Variants in TMCO5A observed in about 807,000 individuals in gnomAD.
TMCO5A encodes transmembrane and coiled-coil domains 5A.
In TMCO5A, 34 loss-of-function variants were observed where a neutral mutation model predicts 42.3. The ratio of observed to expected loss-of-function variants is 0.80; its 90% CI spans 0.61 to 1.07. TMCO5A has a LOEUF of 1.07. Ranked by LOEUF, TMCO5A falls within the 50% of genes least tolerant of loss-of-function variation. The probability of loss-of-function intolerance (pLI) is 0.00; values close to 1 mark genes in which losing one functional copy is unlikely to be tolerated. For missense variants in TMCO5A, 357 were observed against 327.9 expected (o/e 1.09, Z -0.69); for synonymous variants, 131 against 115.6 (o/e 1.13, Z -0.86).
At chr15:37,999,733 T>C in the TMCO5A span, among the ~76,000 whole-genome samples, 2 of 152,216 alleles carry the variant, frequency 1.3e-5, no homozygotes, top group African/African-American at 4.8e-5. Flanking sequence ...GTTTTTTTCA[T>C]AAAGGGATGT....
chr15:37,973,002 C>A, the TMCO5A span, among the ~76,000 whole-genome samples: 6 of 152,168 alleles, frequency 3.9e-5, no homozygotes, highest in African/African-American at 1.4e-4. Context: ...CAGGGCTAAC[C>A]AGTTATTCCA....
the TMCO5A span, among the ~76,000 whole-genome samples, chr15:37,990,529 G>A: frequency 6.6e-6 from 1 of 151,970 alleles, no homozygotes; most frequent in Non-Finnish European, 1.5e-5. Flanking sequence ...CTCGATGACA[G>A]CATATAGTTG....
rs776357103 is a variant in TMCO5A at position 37,943,343 on chromosome 15, C to T, written c.572C>T (p.Ser191Leu). The change falls in exon 10 of 12, where the codon TCA (serine) becomes TTA (leucine). Residue 191 changes from serine to leucine, a missense_variant and splice_region_variant. Coordinates refer to ENST00000319669, the MANE Select transcript of TMCO5A (RefSeq NM_152453.4). ...LEALFLEREV[S>L]KLVSMNPVEK... ...TGTCCTGGCTGTTATCTTCATAGATCAAAACTCGTGAGCATGAACCCTGTG... is the reference window on the plus strand; with the variant it reads ...TGTCCTGGCTGTTATCTTCATAGATTAAAACTCGTGAGCATGAACCCTGTG... 1.2e-6 allele frequency: 2 copies of T among 1,612,138 alleles called. No homozygotes were observed. Among genetic ancestry groups the T allele is most frequent in the Admixed American group, 3.3e-5 (2 of 59,800 alleles).
downstream of TMCO5A, among the ~76,000 whole-genome samples, chr15:37,968,870 C>T (rs780772114): frequency 3.3e-5 from 5 of 152,168 alleles, no homozygotes; most frequent in Non-Finnish European, 7.4e-5. Context: ...CGTGAGCCAC[C>T]GCACCCGGCC....
the TMCO5A span, among the ~76,000 whole-genome samples, chr15:37,973,584 T>C: frequency 6.6e-6 from 1 of 152,176 alleles, no homozygotes; most frequent in Non-Finnish European, 1.5e-5. Flanking sequence ...TTGGCTATTG[T>C]GCATTGCCCA....
At chr15:38,030,137 C>G in the TMCO5A span, among the ~76,000 whole-genome samples, 2 of 152,154 alleles carry the variant, frequency 1.3e-5, no homozygotes, top group Non-Finnish European at 2.9e-5. Flanking sequence ...TGTGACATAA[C>G]TTTCAGGAGA....
At chr15:38,000,758 A>G in the TMCO5A span, among the ~76,000 whole-genome samples, 1 of 152,006 alleles carries the variant, frequency 6.6e-6, no homozygotes, top group African/African-American at 2.4e-5. Flanking sequence ...TAATTTCTTC[A>G]TTGACTTGCT....
chr15:38,014,143 A>G, the TMCO5A span, among the ~76,000 whole-genome samples: 1 of 152,168 alleles, frequency 6.6e-6, no homozygotes, highest in African/African-American at 2.4e-5. Context: ...ATTTAATCAT[A>G]CCTGCAAAAT....
At chr15:37,980,745 C>T in the TMCO5A span, among the ~76,000 whole-genome samples, 1 of 151,764 alleles carries the variant, frequency 6.6e-6, no homozygotes. Context: ...CACTGGGTGG[C>T]CAATGCTACA....
At chr15:38,017,272 AAAG>A in the TMCO5A span, among the ~76,000 whole-genome samples, 1 of 152,174 alleles carries the variant, frequency 6.6e-6, no homozygotes, top group African/African-American at 2.4e-5. Flanking sequence ...TAATACTAGT[AAAG>A]AAGGAGGGGT....
the TMCO5A span, among the ~76,000 whole-genome samples, chr15:38,010,998 C>T: frequency 4.6e-5 from 7 of 152,298 alleles, no homozygotes; most frequent in Middle Eastern, 6.8e-3. Context: ...CTGCCCACCT[C>T]GTCCTCCCAA....
chr15:37,955,422 T>A (rs1890262785), downstream of TMCO5A, among the ~76,000 whole-genome samples: 1 of 151,612 alleles, frequency 6.6e-6, no homozygotes, highest in Admixed American at 6.6e-5. Flanking sequence ...CATTTAAAGA[T>A]GAACCACAGG....
At chr15:37,968,358 C>T (rs1435269660), downstream of TMCO5A, among the ~76,000 whole-genome samples, 1 of 152,100 alleles carries the variant, frequency 6.6e-6, no homozygotes, top group Non-Finnish European at 1.5e-5. Context: ...GACTCACCAC[C>T]CAAACGCAAA....
At chr15:38,038,714 T>C in the TMCO5A span, among the ~76,000 whole-genome samples, 18 of 152,184 alleles carry the variant, frequency 1.2e-4, no homozygotes, top group Admixed American at 1.2e-3. Flanking sequence ...CCTCGGAAGA[T>C]GAAAATTTCA....
chr15:38,005,150 C>G, the TMCO5A span, among the ~76,000 whole-genome samples: 1 of 150,944 alleles, frequency 6.6e-6, no homozygotes, highest in African/African-American at 2.4e-5. Context: ...AGGTCTTAAT[C>G]AACCTTTATT....
At position 37,966,219 on chromosome 15, in the gene TMCO5A, T is replaced by C. The variant is rs976481912; in HGVS notation, c.669-406T>C. Among the ~76,000 whole-genome samples, 43 of 151,362 alleles carry C rather than the reference T, an allele frequency of 2.8e-4. 1 individual carries two copies. The highest frequency in any genetic ancestry group is 4.2e-4 in the South Asian group (2 of 4,810). On this transcript the variant is annotated intron_variant, in intron 11 of 11. Transcript: ENST00000559502. ...ATCAATACAGTTGAACTCATGAAGA[T>C]AGAGAGTAGAATAATGGTTACCAGA...
chr15:38,032,838 C>G, the TMCO5A span, among the ~76,000 whole-genome samples: 3 of 151,890 alleles, frequency 2.0e-5, no homozygotes, highest in African/African-American at 7.3e-5. Flanking sequence ...TTTCTTTTCT[C>G]TCTCTGAGGA....
rs1889824142 is a variant in TMCO5A, at chr15:37,943,404, C to T, written c.627+6C>T. The T allele has an allele frequency of 6.2e-7, 1 of 1,611,854 alleles. No individual in the cohort carries two copies. The highest frequency in any genetic ancestry group is 1.3e-5 in the African/African-American group (1 of 74,802). ...ATACCAGCCAAAATAATGAGGTAAA[C>T]ACTCCATTCTCTCTTCAGCTCCTCA... On this transcript the variant is annotated splice_donor_region_variant and intron_variant, in intron 10 of 11. Coordinates refer to ENST00000319669, the MANE Select transcript of TMCO5A (RefSeq NM_152453.4).
chr15:38,014,236 A>G, the TMCO5A span, among the ~76,000 whole-genome samples: 7 of 152,096 alleles, frequency 4.6e-5, no homozygotes, highest in African/African-American at 1.7e-4. Flanking sequence ...TATTCTTTCT[A>G]TCATATACTC....
Sources: allele counts gnomAD v4.1 joint callset (sites outside exome capture counted in the v4.1 genomes callset), GRCh38; gene constraint gnomAD v4.1.1; transcripts MANE v1.5; gene names NCBI Gene and HGNC (gene_info 2026-07-23, HGNC 2026-07-21).